VPS13B: variants seen among roughly 807,000 people sequenced by gnomAD.
VPS13B encodes the protein intermembrane lipid transfer protein VPS13B.
In VPS13B, 285 loss-of-function variants were observed where a neutral mutation model predicts 426.4. The ratio of observed to expected loss-of-function variants is 0.67; its 90% CI spans 0.61 to 0.74. The LOEUF (loss-of-function observed/expected upper bound fraction) is 0.74, where lower values mean the gene tolerates loss of function less well. Among genes scored for constraint, VPS13B ranks in the 30% least tolerant of loss-of-function variants. VPS13B has a pLI of 0.00. For missense variants in VPS13B, 4,537 were observed against 4,782.6 expected (o/e 0.95, Z 1.51); for synonymous variants, 1,676 against 1,676.4 (o/e 1.00, Z 0.01).
chr8:99,156,812 T>G (rs2132624935), intron 15 of VPS13B, 69 bp downstream of exon 15: 1 of 1,475,316 alleles, frequency 6.8e-7, no homozygotes, highest in Non-Finnish European at 9.4e-7. Context: ...AAGTTTCTTT[T>G]TTCTTGATGT....
intron 12 of VPS13B, among the ~76,000 whole-genome samples, chr8:99,138,474 A>C (rs775744778): frequency 1.3e-5 from 2 of 152,190 alleles, no homozygotes. Context: ...TTGTAGTCCT[A>C]TAGTTTCTAC....
At chr8:99,784,189 A>G (rs1171730984) in intron 42 of VPS13B, 126 bp from the exon 43 acceptor site, 7 of 1,178,108 alleles carry the variant, frequency 5.9e-6, no homozygotes, top group Non-Finnish European at 8.9e-6. Flanking sequence ...TACTTTGTAT[A>G]CCAGAGCTAA....
rs1416754737 is a variant in VPS13B at position 99,828,391 on chromosome 8, ACC to A, written c.9331-3977_9331-3976del. Reference sequence around the variant, plus strand: ...TTTATCAGAGACTAGGATTACAACCACCGTTTTTTTTTTTTTTTTTTTTTTTT... The same window carrying A: ...TTTATCAGAGACTAGGATTACAACCAGTTTTTTTTTTTTTTTTTTTTTTTT... On this transcript the variant is annotated intron_variant, in intron 51 of 61. Transcript: ENST00000357162. Among the ~76,000 whole-genome samples the A allele has an allele frequency of 8.7e-5, 6 of 68,636 alleles. No homozygotes were observed. In the East Asian group the frequency reaches 2.5e-3, roughly 29 times the overall value. The allele number at this position is 68,636 out of a possible 152,430, so 45.0% of individuals were successfully genotyped here. A position where few individuals can be genotyped will look rare whatever the true frequency, so the allele number is the denominator to read the frequency against.
intron 19 of VPS13B, chr8:99,340,793 G>A: frequency 5.9e-6 from 2 of 340,308 alleles, no homozygotes; most frequent in Non-Finnish European, 1.2e-5. Context: ...CCAGCCTGTT[G>A]CAGTTGGTGG....
chr8:99,831,697 AAATAC>A (rs1423080721), intron 51 of VPS13B, among the ~76,000 whole-genome samples: 1 of 152,172 alleles, frequency 6.6e-6, no homozygotes, highest in Admixed American at 6.5e-5. Context: ...ACACATTTTA[AAATAC>A]AATATAACAA....
chr8:99,414,537 G>GT (rs1258649853), intron 21 of VPS13B, among the ~76,000 whole-genome samples: 2 of 152,122 alleles, frequency 1.3e-5, no homozygotes, highest in East Asian at 3.8e-4. Flanking sequence ...AATTTGGTAT[G>GT]TTTTTGCAGT....
intron 14 of VPS13B, among the ~76,000 whole-genome samples, chr8:99,153,943 G>A (rs867402335): frequency 5.3e-5 from 8 of 151,010 alleles, no homozygotes; most frequent in South Asian, 2.1e-4. Context: ...GGATAATTTC[G>A]TGGGGTATGG....
At chr8:99,168,791 G>A (rs188435544) in intron 15 of VPS13B, among the ~76,000 whole-genome samples, 17 of 152,136 alleles carry the variant, frequency 1.1e-4, no homozygotes, top group Admixed American at 1.1e-3. Flanking sequence ...TATAGGTGCT[G>A]ATGGGTGCAT....
Position 99,467,467 on chromosome 8 carries a change from C to T in VPS13B, c.3499C>T (p.Leu1167Phe). Residue 1167 changes from leucine (L) to phenylalanine (F), a missense_variant, in exon 24 of 62, where the codon CTT becomes TTT. Transcript: ENST00000357162. ...GCATAATTTCAGCATATATACCCTT[C>T]TTGGAAAACAAGTGACACTTTGCCT... ...SLHNFSIYTL[L>F]GKQVTLCLVE... 2 of 1,613,786 alleles carry T rather than the reference C, an allele frequency of 1.2e-6. No individual in the cohort carries two copies. The highest frequency in any genetic ancestry group is 1.7e-6 in the Non-Finnish European group (2 of 1,179,786).
At chr8:99,621,980 C>A (rs1828376376) in intron 33 of VPS13B, among the ~76,000 whole-genome samples, 1 of 151,738 alleles carries the variant, frequency 6.6e-6, no homozygotes. Flanking sequence ...ACTACAGGCA[C>A]TCACCACCAC....
At position 99,073,427 on chromosome 8, in the gene VPS13B, G is replaced by A. The variant is rs182677408; in HGVS notation, c.292-22885G>A. ...TAATGAGTGTTTCGTAGTTTTTATT[G>A]TAGAGTTATTTTTTACCTTTTCTGT... On this transcript the variant is annotated intron_variant, in intron 3 of 61. Coordinates refer to ENST00000357162, the MANE Select transcript of VPS13B (RefSeq NM_152564.5). Among the ~76,000 whole-genome samples, 519 of 152,066 alleles carry A rather than the reference G, an allele frequency of 3.4e-3. 2 individuals carry two copies. The highest frequency in any genetic ancestry group is 0.011 in the African/African-American group (466 of 41,508).
intron 39 of VPS13B, among the ~76,000 whole-genome samples, chr8:99,750,889 T>C (rs1810359873): frequency 6.6e-6 from 1 of 152,108 alleles, no homozygotes; most frequent in African/African-American, 2.4e-5. Context: ...TTTTGAAAGA[T>C]GGATGAGATT....
intron 40 of VPS13B, among the ~76,000 whole-genome samples, chr8:99,775,387 G>A (rs998192535): frequency 7.2e-5 from 11 of 152,170 alleles, no homozygotes; most frequent in African/African-American, 2.7e-4. Context: ...GAAGAGAGTG[G>A]AAGACAGTGA....
intron 19 of VPS13B, chr8:99,347,654 C>T (rs542863197): frequency 1.3e-5 from 2 of 152,448 alleles, no homozygotes; most frequent in Non-Finnish European, 2.9e-5. Context: ...AGCTTCACAC[C>T]ATTCATCTTG....
intron 21 of VPS13B, among the ~76,000 whole-genome samples, chr8:99,414,953 G>T (rs1225196031): frequency 3.9e-5 from 6 of 152,122 alleles, no homozygotes; most frequent in Non-Finnish European, 8.8e-5. Context: ...ATGTTGGCTT[G>T]TTTTGCTAGG....
chr8:99,815,231 G>T (rs1018853594), intron 44 of VPS13B, among the ~76,000 whole-genome samples: 1 of 152,044 alleles, frequency 6.6e-6, no homozygotes, highest in Admixed American at 6.6e-5. Context: ...GCAAGCTGCA[G>T]ACCCAGGAGA....
At chr8:99,799,557 A>G (rs140618201) in intron 43 of VPS13B, among the ~76,000 whole-genome samples, 222 of 152,334 alleles carry the variant, frequency 1.5e-3, no homozygotes, top group African/African-American at 4.9e-3. Context: ...GTTTAGTTAA[A>G]TGAAAATAAA....
intron 13 of VPS13B, among the ~76,000 whole-genome samples, chr8:99,144,216 G>T (rs1185434317): frequency 6.6e-6 from 1 of 152,068 alleles, no homozygotes; most frequent in Non-Finnish European, 1.5e-5. Flanking sequence ...TAAGGACTGA[G>T]CATGGTCACT....
intron 57 of VPS13B, among the ~76,000 whole-genome samples, chr8:99,859,886 A>G (rs2130935734): frequency 6.6e-6 from 1 of 152,320 alleles, no homozygotes; most frequent in East Asian, 1.9e-4. Context: ...GGATATGGAT[A>G]CATTCTGACA....
Sources: allele counts gnomAD v4.1 joint callset (sites outside exome capture counted in the v4.1 genomes callset), GRCh38; gene constraint gnomAD v4.1.1; transcripts MANE v1.5; gene names NCBI Gene and HGNC (gene_info 2026-07-23, HGNC 2026-07-21).